The following COLGALT2 variants were observed in gnomAD, a reference collection of about 807,000 sequenced individuals.
COLGALT2 encodes procollagen galactosyltransferase 2.
In COLGALT2, 49 loss-of-function variants were observed where a neutral mutation model predicts 73.4. The ratio of observed to expected loss-of-function variants is 0.67; its 90% CI spans 0.53 to 0.85. The LOEUF (loss-of-function observed/expected upper bound fraction) is 0.85. Ranked by LOEUF, COLGALT2 falls within the 40% of genes least tolerant of loss-of-function variation. The pLI is 0.00. For synonymous variants in COLGALT2, 295 were observed against 307.6 expected (o/e 0.96, Z 0.43); for missense variants, 722 against 790.2 (o/e 0.91, Z 1.03).
chr1:183,985,741 C>T (rs114076730), intron 1 of COLGALT2, among the ~76,000 whole-genome samples: 2,356 of 152,250 alleles, frequency 0.015, 65 homozygotes, highest in African/African-American at 0.053. Flanking sequence ...ATTGATCTTG[C>T]TGCCTGAGAA....
intron 10 of COLGALT2, among the ~76,000 whole-genome samples, chr1:183,942,169 C>G (rs897593800): frequency 6.6e-6 from 1 of 151,994 alleles, no homozygotes; most frequent in Non-Finnish European, 1.5e-5. Context: ...AGGATGGTCT[C>G]GATCTCCTGA....
At chr1:183,945,641 G>A (rs1670230020) in intron 8 of COLGALT2, 77 bp from the exon 9 acceptor site, 1 of 1,537,214 alleles carries the variant, frequency 6.5e-7, no homozygotes, top group East Asian at 2.3e-5. Context: ...GAGAGAGTTA[G>A]TTCTGCAAAC....
chr1:184,007,446 T>G (rs1365835162), intron 1 of COLGALT2, among the ~76,000 whole-genome samples: 1 of 152,234 alleles, frequency 6.6e-6, no homozygotes, highest in East Asian at 1.9e-4. Context: ...TCCTTTCTTT[T>G]TCTACAATAC....
At chr1:183,958,701 C>G (rs1670617074) in intron 6 of COLGALT2, among the ~76,000 whole-genome samples, 1 of 149,252 alleles carries the variant, frequency 6.7e-6, no homozygotes, top group South Asian at 2.2e-4. Flanking sequence ...GATGAAGTTT[C>G]TATCTAGTAT....
chr1:183,976,865 A>G (rs1301965097), intron 2 of COLGALT2, among the ~76,000 whole-genome samples: 1 of 152,232 alleles, frequency 6.6e-6, no homozygotes, highest in Middle Eastern at 3.2e-3. Context: ...AGTGATTAAG[A>G]ATAGGTTTCT....
chr1:184,025,682 A>T (rs984453633), intron 1 of COLGALT2, among the ~76,000 whole-genome samples: 4 of 152,158 alleles, frequency 2.6e-5, no homozygotes, highest in African/African-American at 9.7e-5. Flanking sequence ...TTTCCTTGGG[A>T]GTTCAGTCAT....
chr1:183,970,017 T>G (rs950079094), intron 4 of COLGALT2, among the ~76,000 whole-genome samples: 3 of 152,200 alleles, frequency 2.0e-5, no homozygotes, highest in Non-Finnish European at 4.4e-5. Context: ...GCACCAAGAA[T>G]GTATCAGCAA....
intron 1 of COLGALT2, among the ~76,000 whole-genome samples, chr1:184,008,654 C>G (rs1479603013): frequency 6.6e-6 from 1 of 152,050 alleles, no homozygotes; most frequent in Admixed American, 6.6e-5. Flanking sequence ...CCCTTGAGCC[C>G]CAGAGTTCAA....
At chr1:183,962,154 CTTT>C (rs34873073) in intron 6 of COLGALT2, among the ~76,000 whole-genome samples, 16 of 85,534 alleles carry the variant, frequency 1.9e-4, no homozygotes, top group South Asian at 5.0e-4. Flanking sequence ...TTTTCTCTTT[CTTT>C]TTTTTTTTTT....
chr1:183,992,803 C>T (rs896175339), intron 1 of COLGALT2, among the ~76,000 whole-genome samples: 4 of 152,240 alleles, frequency 2.6e-5, no homozygotes, highest in Non-Finnish European at 4.4e-5. Context: ...CTTCCCCAAC[C>T]TCCCCAAATG....
At chr1:184,010,832 G>A (rs7529873) in intron 1 of COLGALT2, among the ~76,000 whole-genome samples, 29,278 of 152,104 alleles carry the variant, frequency 0.19, 5,053 homozygotes, top group African/African-American at 0.46. Context: ...CTTTCACAAC[G>A]GCATCAATGG....
Position 183,938,444 on chromosome 1 carries a change from T to C in COLGALT2, c.*317A>G. The C allele has an allele frequency of 8.7e-7, 1 of 1,154,868 alleles. No individual in the cohort carries two copies. The highest frequency in any genetic ancestry group is 1.1e-6 in the Non-Finnish European group (1 of 934,540). 71.5% of individuals were successfully genotyped at this position (1,154,868 alleles called of 1,614,324 possible). ...TTCTCTTGAACAAGACTCTGAGCCA[T>C]GTTGTTCAACCTTAATGTGGGAATC... is the stretch of plus-strand genomic sequence containing the variant. On this transcript the variant is annotated 3_prime_UTR_variant, in exon 12 of 12. Coordinates refer to ENST00000361927, the MANE Select transcript of COLGALT2 (RefSeq NM_015101.4).
At chr1:183,952,835 C>A (rs1458509952) in intron 7 of COLGALT2, among the ~76,000 whole-genome samples, 1 of 152,186 alleles carries the variant, frequency 6.6e-6, no homozygotes, top group East Asian at 1.9e-4. Flanking sequence ...CTATTTGCCT[C>A]ATTACTTGGG....
intron 4 of COLGALT2, among the ~76,000 whole-genome samples, chr1:183,970,364 G>A (rs560025826): frequency 1.1e-4 from 16 of 152,340 alleles, no homozygotes; most frequent in African/African-American, 3.8e-4. Context: ...ACTGGAATGA[G>A]TGTTAAGTTT....
At chr1:184,003,309 TG>T (rs1671979082) in intron 1 of COLGALT2, among the ~76,000 whole-genome samples, 1 of 152,218 alleles carries the variant, frequency 6.6e-6, no homozygotes, top group Non-Finnish European at 1.5e-5. Context: ...TTCTCTGTGT[TG>T]GCCAAAAAGA....
At chr1:183,999,130 T>C (rs1671847812) in intron 1 of COLGALT2, among the ~76,000 whole-genome samples, 1 of 152,150 alleles carries the variant, frequency 6.6e-6, no homozygotes, top group Non-Finnish European at 1.5e-5. Context: ...GTTTTGTGGG[T>C]AGCATTTATT....
At chr1:183,998,086 C>T (rs1359140297) in intron 1 of COLGALT2, among the ~76,000 whole-genome samples, 1 of 152,182 alleles carries the variant, frequency 6.6e-6, no homozygotes, top group Non-Finnish European at 1.5e-5. Flanking sequence ...GCCAAATTGT[C>T]TTCAAAGTAG....
chr1:184,035,220 C>CA (rs1649635882), intron 1 of COLGALT2, among the ~76,000 whole-genome samples: 1 of 152,162 alleles, frequency 6.6e-6, no homozygotes, highest in African/African-American at 2.4e-5. Context: ...AATTATATTG[C>CA]AAAATCTATG....
At chr1:183,972,473 T>C (rs984913583) in intron 4 of COLGALT2, among the ~76,000 whole-genome samples, 7 of 152,200 alleles carry the variant, frequency 4.6e-5, no homozygotes, top group Non-Finnish European at 1.0e-4. Flanking sequence ...GTTGAATTTA[T>C]CTAATTCTTT....
Sources: gnomAD v4.1 joint callset for allele counts (sites outside exome capture counted in the v4.1 genomes callset) on GRCh38, gnomAD v4.1.1 for gene constraint, MANE v1.5 for transcripts, NCBI Gene and HGNC (gene_info 2026-07-23, HGNC 2026-07-21) for gene names.